The following PHF14 variants were observed in gnomAD, a reference collection of about 807,000 sequenced individuals.
PHF14 encodes the protein PHD finger protein 14.
A neutral mutation model predicts 117.9 loss-of-function variants in PHF14; 55 were observed. The observed-to-expected ratio is 0.47, with a 90% confidence interval of 0.38 to 0.58. The LOEUF is 0.58. PHF14 is among the 20% of genes least tolerant of loss of function. The pLI is 0.00. For missense variants in PHF14, 978 were observed against 1,122.2 expected (o/e 0.87, Z 1.84); for synonymous variants, 409 against 368.6 (o/e 1.11, Z -1.26).
intron 17 of PHF14, among the ~76,000 whole-genome samples, chr7:11,162,262 G>A (rs965725630): frequency 1.3e-5 from 2 of 151,286 alleles, no homozygotes; most frequent in African/African-American, 4.8e-5. Context: ...CTAATTTTTT[G>A]TATTTTTAGT....
At chr7:11,079,433 G>A (rs1216378865) in intron 16 of PHF14, among the ~76,000 whole-genome samples, 3 of 152,158 alleles carry the variant, frequency 2.0e-5, no homozygotes, top group Non-Finnish European at 2.9e-5. Context: ...GCCATTCGTA[G>A]TACCTGCACA....
intron 13 of PHF14, among the ~76,000 whole-genome samples, chr7:11,044,240 T>C (rs1361424444): frequency 6.6e-6 from 1 of 152,014 alleles, no homozygotes; most frequent in African/African-American, 2.4e-5. Context: ...ATAGGGATCA[T>C]TCATATTCCA....
At chr7:11,158,164 A>G (rs1006730520) in intron 17 of PHF14, among the ~76,000 whole-genome samples, 3 of 152,154 alleles carry the variant, frequency 2.0e-5, no homozygotes, top group Non-Finnish European at 4.4e-5. Context: ...CTTTCTCTGG[A>G]CCAAGATTCA....
rs61753125 is a variant in PHF14 at position 11,042,812 on chromosome 7, T to C, written c.2310T>C (p.Tyr770=). ...TGCCAAGAAAGACCAAAAACAGTTA[T>C]TGGTGAGTAAAATAGAGGAGATTTA... ...TRMPRKTKNS[Y]WQCSECDQAG... Residue 770 remains tyrosine (Y), a splice_region_variant and synonymous_variant, in exon 13 of 18, where the codon TAT becomes TAC. Coordinates refer to ENST00000634607, the MANE Select transcript of PHF14 (RefSeq NM_001007157.2). 36,736 of 1,566,576 alleles carry C rather than the reference T, an allele frequency of 0.023. 499 individuals carry two copies. The highest frequency in any genetic ancestry group is 0.045 in the Middle Eastern group (268 of 5,978).
chr7:11,076,978 C>T (rs570884980), intron 16 of PHF14, among the ~76,000 whole-genome samples: 1 of 150,170 alleles, frequency 6.7e-6, no homozygotes, highest in Admixed American at 6.6e-5. Flanking sequence ...ATATGTTGTA[C>T]TTATGTTGTA....
intron 6 of PHF14, among the ~76,000 whole-genome samples, chr7:11,023,596 G>A (rs192949043): frequency 1.3e-5 from 2 of 152,182 alleles, no homozygotes; most frequent in Non-Finnish European, 2.9e-5. Context: ...GGAGGCCAAG[G>A]TGGGCAGATC....
chr7:11,045,484 CTG>C (rs1562437653), intron 13 of PHF14, among the ~76,000 whole-genome samples: 1 of 152,202 alleles, frequency 6.6e-6, no homozygotes, highest in Non-Finnish European at 1.5e-5. Context: ...TGTAAGCAAA[CTG>C]TACCTAGAAT....
At chr7:11,105,609 AT>A in intron 16 of PHF14, 1 of 984,746 alleles carries the variant, frequency 1.0e-6, no homozygotes, top group Non-Finnish European at 1.2e-6. Flanking sequence ...AGGCAGAATC[AT>A]TTTTTCTACC....
intron 4 of PHF14, among the ~76,000 whole-genome samples, chr7:10,994,364 A>G (rs1319293592): frequency 6.6e-6 from 1 of 152,156 alleles, no homozygotes; most frequent in Non-Finnish European, 1.5e-5. Flanking sequence ...GCTTGAACCC[A>G]GGAGGCAGAG....
intron 13 of PHF14, among the ~76,000 whole-genome samples, chr7:11,047,746 A>C (rs930790205): frequency 6.8e-6 from 1 of 147,926 alleles, no homozygotes; most frequent in East Asian, 2.1e-4. Flanking sequence ...AGATTGCGCC[A>C]GTGCTCTCCA....
At chr7:11,117,538 T>G (rs1787630494) in intron 17 of PHF14, among the ~76,000 whole-genome samples, 1 of 138,006 alleles carries the variant, frequency 7.2e-6, no homozygotes, top group South Asian at 2.4e-4. Flanking sequence ...TTTTATCTTT[T>G]CTGCATTGAA....
chr7:11,047,999 A>G (rs1784733253), intron 13 of PHF14, among the ~76,000 whole-genome samples: 1 of 151,914 alleles, frequency 6.6e-6, no homozygotes, highest in Non-Finnish European at 1.5e-5. Flanking sequence ...GTATTTCAAC[A>G]TGAAAGTTAT....
chr7:10,996,735 C>G (rs73678543), intron 4 of PHF14, among the ~76,000 whole-genome samples: 1 of 152,142 alleles, frequency 6.6e-6, no homozygotes. Context: ...ACCACACTAC[C>G]TAAATAAATC....
chr7:11,087,772 G>A (rs1339858383), intron 16 of PHF14, among the ~76,000 whole-genome samples: 1 of 152,048 alleles, frequency 6.6e-6, no homozygotes, highest in African/African-American at 2.4e-5. Context: ...ATGGACACAT[G>A]TATGAGACTC....
Position 10,982,511 on chromosome 7 carries a change from T to G in PHF14, c.252T>G (p.Ser84=), listed in dbSNP as rs1482594945. The G allele has an allele frequency of 1.9e-6, 3 of 1,551,630 alleles. No homozygotes were observed. The highest frequency in any genetic ancestry group is 2.6e-6 in the Non-Finnish European group (3 of 1,137,486). Residue 84 remains serine, a synonymous_variant, in exon 3 of 18, where the codon TCT becomes TCG. Coordinates refer to ENST00000634607, the MANE Select transcript of PHF14 (RefSeq NM_001007157.2). ...IKVKEEQLKN[S]AEEEVLSSEK... is the part of the protein sequence containing the mutation. ...TAAAAGAAGAACAACTTAAAAATTC[T>G]GCAGAGGAAGAAGTACTATCATCAG...
chr7:10,999,514 C>T (rs527462835), intron 4 of PHF14, among the ~76,000 whole-genome samples: 37 of 152,266 alleles, frequency 2.4e-4, no homozygotes, highest in African/African-American at 7.9e-4. Flanking sequence ...AAATGACCCT[C>T]GCTCTCTATT....
chr7:10,988,041 A>G (rs1486478522), intron 3 of PHF14, among the ~76,000 whole-genome samples: 1 of 151,096 alleles, frequency 6.6e-6, no homozygotes, highest in Non-Finnish European at 1.5e-5. Context: ...AAGAAAAAGA[A>G]AAAAAAGAAA....
At chr7:11,111,014 C>A (rs1052598636) in intron 16 of PHF14, 1 of 167,354 alleles carries the variant, frequency 6.0e-6, no homozygotes, top group African/African-American at 2.4e-5. Context: ...ATGATTAATT[C>A]TTTAAGTTCA....
Position 10,982,781 on chromosome 7 carries a change from G to C in PHF14, c.522G>C (p.Glu174Asp). 6.2e-7 allele frequency: 1 copy of C among 1,613,870 alleles called. No individual in the cohort carries two copies. Among genetic ancestry groups the C allele is most frequent in the Non-Finnish European group, 8.5e-7 (1 of 1,179,842 alleles). ...PSVPTTTTAT[E>D]EQVSEPKKWN... is the part of the protein sequence containing the mutation. ...TTCCCACTACGACAACCGCTACAGA[G>C]GAACAAGTCAGCGAGCCAAAAAAAT... Residue 174 changes from glutamate (E) to aspartate (D), a missense_variant, in exon 3 of 18, where the codon GAG (glutamate) becomes GAC (aspartate). Glu to Asp is a conservative substitution (Grantham distance 45). This residue lies in a region of PHF14 where 414 missense variants were observed against 376.4 expected (regional missense o/e 1.10). Coordinates refer to ENST00000634607, the MANE Select transcript of PHF14 (RefSeq NM_001007157.2).
Sources: allele counts gnomAD v4.1 joint callset (sites outside exome capture counted in the v4.1 genomes callset), GRCh38; gene constraint gnomAD v4.1.1; regional missense constraint gnomAD v4.1.1; transcripts MANE v1.5; gene names NCBI Gene and HGNC (gene_info 2026-07-23, HGNC 2026-07-21).